Variants in SPATA17 observed in about 807,000 individuals in gnomAD.
The protein encoded by SPATA17 is spermatogenesis-associated protein 17.
Under a neutral mutation model 62.2 loss-of-function variants are expected in SPATA17, and 53 were observed. The observed-to-expected ratio is 0.85, with a 90% CI of 0.68 to 1.07. The LOEUF is 1.07. SPATA17 is among the 50% of genes least tolerant of loss of function. The pLI is 0.00. For synonymous variants in SPATA17, 146 were observed against 146.8 expected, an observed-to-expected ratio of 0.99 and a Z score of 0.04; for missense variants, 466 against 425.5, an observed-to-expected ratio of 1.10 and a Z score of -0.84.
At chr1:217,750,962 C>T (rs1473108384) in intron 6 of SPATA17, among the ~76,000 whole-genome samples, 2 of 152,202 alleles carry the variant, frequency 1.3e-5, no homozygotes, top group African/African-American at 2.4e-5. Flanking sequence ...TGGTCATCTA[C>T]ATCTGTGGTC....
rs142107650 is a variant in SPATA17, at chr1:217,765,623, A to G, written c.520-8711A>G. The stretch of plus-strand genomic sequence containing the variant: ...TTTAATTACACTGTGGTCTCAGCAT[A>G]CTTTGTCTGATTTCTGTTCTTTTAA... On this transcript the variant is annotated intron_variant, in intron 6 of 10. Transcript: ENST00000366933. Among the ~76,000 whole-genome samples, 240 of 152,020 alleles carry G rather than the reference A, an allele frequency of 1.6e-3. 1 individual carries two copies. Among genetic ancestry groups the G allele is most frequent in the African/African-American group, 5.6e-3 (232 of 41,518 alleles).
intron 7 of SPATA17, among the ~76,000 whole-genome samples, chr1:217,775,246 T>C (rs1673558012): frequency 6.6e-6 from 1 of 152,214 alleles, no homozygotes; most frequent in Admixed American, 6.5e-5. Flanking sequence ...AAGAAATGTC[T>C]ATTCTAAGTC....
At chr1:217,742,753 G>A (rs1672650956) in intron 6 of SPATA17, among the ~76,000 whole-genome samples, 1 of 152,206 alleles carries the variant, frequency 6.6e-6, no homozygotes, top group African/African-American at 2.4e-5. Flanking sequence ...AGTGAGATAT[G>A]TTTTGTTACT....
At chr1:217,821,885 C>T (rs1379328724) in intron 9 of SPATA17, among the ~76,000 whole-genome samples, 6 of 152,132 alleles carry the variant, frequency 3.9e-5, no homozygotes, top group Middle Eastern at 3.4e-3. Flanking sequence ...AAATGAGTTC[C>T]TAGAAATGGG....
At chr1:217,794,131 A>AG (rs1674076612) in intron 8 of SPATA17, among the ~76,000 whole-genome samples, 1 of 151,038 alleles carries the variant, frequency 6.6e-6, no homozygotes, top group Non-Finnish European at 1.5e-5. Context: ...AAAAAAAAAA[A>AG]GAAAGAAAGA....
At chr1:217,775,069 C>T (rs1332519244) in intron 7 of SPATA17, among the ~76,000 whole-genome samples, 1 of 152,090 alleles carries the variant, frequency 6.6e-6, no homozygotes, top group African/African-American at 2.4e-5. Context: ...GAGAAACTGC[C>T]ATACTGTTTC....
chr1:217,697,112 G>A (rs1311998241), intron 5 of SPATA17, among the ~76,000 whole-genome samples: 2 of 152,172 alleles, frequency 1.3e-5, no homozygotes, highest in African/African-American at 4.8e-5. Context: ...GGGTTCAAGT[G>A]ATTCTCCTGC....
At chr1:217,764,397 C>A (rs1673249566) in intron 6 of SPATA17, among the ~76,000 whole-genome samples, 3 of 152,102 alleles carry the variant, frequency 2.0e-5, no homozygotes, top group Admixed American at 1.3e-4. Context: ...TTCTGCATGT[C>A]TTTTCATGGT....
At chr1:217,845,367 C>G (rs540603547) in intron 9 of SPATA17, among the ~76,000 whole-genome samples, 51 of 152,208 alleles carry the variant, frequency 3.4e-4, no homozygotes, top group African/African-American at 1.2e-3. Flanking sequence ...ATCGAAGCCT[C>G]TTTCTAGGCT....
intron 5 of SPATA17, among the ~76,000 whole-genome samples, chr1:217,724,654 C>T (rs1049169671): frequency 1.1e-4 from 16 of 152,134 alleles, no homozygotes; most frequent in South Asian, 4.2e-4. Context: ...TCAATTTGTA[C>T]TTCTACCAAC....
At chr1:217,639,945 T>A (rs2102876291) in intron 1 of SPATA17, among the ~76,000 whole-genome samples, 1 of 152,186 alleles carries the variant, frequency 6.6e-6, no homozygotes, top group African/African-American at 2.4e-5. Context: ...AACCATTCTA[T>A]CAGTTTTATT....
intron 9 of SPATA17, among the ~76,000 whole-genome samples, chr1:217,820,685 T>C (rs561482710): frequency 3.3e-5 from 5 of 152,060 alleles, no homozygotes; most frequent in African/African-American, 1.2e-4. Flanking sequence ...AAATAAAATA[T>C]AGAATAGAAT....
chr1:217,786,626 T>C (rs1673869111), intron 8 of SPATA17, among the ~76,000 whole-genome samples: 1 of 152,076 alleles, frequency 6.6e-6, no homozygotes, highest in African/African-American at 2.4e-5. Context: ...AGAATATAAA[T>C]TTGATTGTGA....
intron 5 of SPATA17, among the ~76,000 whole-genome samples, chr1:217,728,954 G>A (rs369357824): frequency 3.9e-5 from 6 of 152,236 alleles, no homozygotes; most frequent in African/African-American, 1.4e-4. Context: ...ATGAAGTTAA[G>A]CCCCAAGTTC....
At chr1:217,785,176 TG>T (rs1350702239) in intron 8 of SPATA17, 2 of 152,220 alleles carry the variant, frequency 1.3e-5, no homozygotes, top group African/African-American at 4.8e-5. Flanking sequence ...AATTTTTCTT[TG>T]CTATAGGGAC....
chr1:217,782,582 T>A (rs1390051985), intron 8 of SPATA17, among the ~76,000 whole-genome samples: 1 of 152,108 alleles, frequency 6.6e-6, no homozygotes, highest in Non-Finnish European at 1.5e-5. Flanking sequence ...TCTATGTATC[T>A]GTGAAGATAA....
At chr1:217,792,695 T>G (rs1245224395) in intron 8 of SPATA17, among the ~76,000 whole-genome samples, 1 of 152,014 alleles carries the variant, frequency 6.6e-6, no homozygotes, top group Non-Finnish European at 1.5e-5. Context: ...AGACAATAAA[T>G]AAGGGTTAAG....
intron 9 of SPATA17, among the ~76,000 whole-genome samples, chr1:217,828,389 A>T (rs1675050793): frequency 6.6e-6 from 1 of 151,748 alleles, no homozygotes; most frequent in Admixed American, 6.6e-5. Context: ...AAAGAATGAA[A>T]TTGGATGCTA....
chr1:217,764,876 G>A (rs11117927), intron 6 of SPATA17, among the ~76,000 whole-genome samples: 116,367 of 152,016 alleles, frequency 0.77, 44,937 homozygotes, highest in Non-Finnish European at 0.81. Context: ...TATTTTGCCC[G>A]TTCTATAATT....
Sources: gnomAD v4.1 joint callset for allele counts (sites outside exome capture counted in the v4.1 genomes callset) on GRCh38, gnomAD v4.1.1 for gene constraint, MANE v1.5 for transcripts, NCBI Gene and HGNC (gene_info 2026-07-23, HGNC 2026-07-21) for gene names.